SLC22A15: variants seen among roughly 807,000 people sequenced by gnomAD.
SLC22A15 encodes flipt 1.
SLC22A15 carries 45 observed loss-of-function variants against 62.7 expected under a neutral mutation model. The observed-to-expected ratio is 0.72, with a 90% CI of 0.56 to 0.92. SLC22A15 has a LOEUF of 0.92. SLC22A15 is among the 40% of genes least tolerant of loss of function. The pLI is 0.00. For missense variants in SLC22A15, 622 were observed against 665.6 expected, an observed-to-expected ratio of 0.93 and a Z score of 0.72; for synonymous variants, 264 against 267.0, an observed-to-expected ratio of 0.99 and a Z score of 0.11.
At chr1:115,999,340 T>C (rs1203649904) in intron 2 of SLC22A15, among the ~76,000 whole-genome samples, 2 of 152,144 alleles carry the variant, frequency 1.3e-5, no homozygotes, top group African/African-American at 2.4e-5. Flanking sequence ...TTAAGTCTAA[T>C]GTTTGTTGAT....
At position 115,992,037 on chromosome 1, in the gene SLC22A15, G is replaced by C; in HGVS notation, c.94G>C (p.Val32Leu). ...TGTGTGTTTGCTCTTTCAGCTCTACGTGGCCACGGAGGCCATCCTCATTGC... is the reference window on the plus strand; with the variant it reads ...TGTGTGTTTGCTCTTTCAGCTCTACCTGGCCACGGAGGCCATCCTCATTGC... Reference protein sequence around the residue: ...FLLAVLLQLYVATEAILIALV... With the variant: ...FLLAVLLQLYLATEAILIALV... The change falls in exon 2 of 12, where the codon GTG becomes CTG. Residue 32 changes from valine (V) to leucine (L), a missense_variant. Val to Leu is a conservative substitution (Grantham distance 32, BLOSUM62 1). Coordinates refer to ENST00000369503, the MANE Select transcript of SLC22A15 (RefSeq NM_018420.3). The C allele has an allele frequency of 6.2e-7, 1 of 1,613,206 alleles. No homozygotes were observed. The highest frequency in any genetic ancestry group is 8.5e-7 in the Non-Finnish European group (1 of 1,179,798).
At chr1:116,015,384 C>T (rs1296531756) in intron 2 of SLC22A15, 1 of 152,188 alleles carries the variant, frequency 6.6e-6, no homozygotes, top group African/African-American at 2.4e-5. Context: ...GTTACTTTGA[C>T]ACTTGGAAAT....
intron 6 of SLC22A15, 177 bp downstream of exon 6, chr1:116,031,758 G>T: frequency 2.1e-6 from 3 of 1,429,158 alleles, no homozygotes; most frequent in Non-Finnish European, 2.7e-6. Flanking sequence ...GCGCAGCCCC[G>T]TCTTTCTCAA....
chr1:116,006,665 C>T lies in SLC22A15; in HGVS notation c.301-12917C>T, dbSNP rs181429534. On this transcript the variant is annotated intron_variant, in intron 2 of 11. Coordinates refer to ENST00000369503, the MANE Select transcript of SLC22A15 (RefSeq NM_018420.3). ...GTATCTCTGTGTCCCCTCCCTCCCT[C>T]CTTTCCTTCTCTTCTCCCCACCTTC... Among the ~76,000 whole-genome samples, 142 of 152,246 alleles carry T rather than the reference C, an allele frequency of 9.3e-4. 1 individual carries two copies. The highest frequency in any genetic ancestry group is 3.2e-3 in the African/African-American group (135 of 41,552).
chr1:116,032,346 T>G, intron 6 of SLC22A15: 1 of 985,436 alleles, frequency 1.0e-6, no homozygotes, highest in Non-Finnish European at 1.2e-6. Flanking sequence ...TTGTACATAC[T>G]GCTAATGTGC....
At chr1:116,064,757 T>C (rs144574878) in intron 10 of SLC22A15, among the ~76,000 whole-genome samples, 7 of 152,102 alleles carry the variant, frequency 4.6e-5, no homozygotes, top group Admixed American at 4.6e-4. Flanking sequence ...GTGTGCCCCA[T>C]TCCTGTCCCC....
chr1:116,069,634 T>A lies in SLC22A15; in HGVS notation c.*2526T>A, dbSNP rs1036521852. Reference sequence around the variant, plus strand: ...AGAAACCATGTTGAAATTTTCTGATTTTGTGAGTTACAACCACAGCCCAGT... The same window carrying A: ...AGAAACCATGTTGAAATTTTCTGATATTGTGAGTTACAACCACAGCCCAGT... On this transcript the variant is annotated 3_prime_UTR_variant, in exon 12 of 12. Transcript: ENST00000369503. 6.6e-6 allele frequency: 1 copy of A among 152,178 alleles called. No individual in the cohort carries two copies. Among genetic ancestry groups the A allele is most frequent in the Non-Finnish European group, 1.5e-5 (1 of 68,016 alleles). 9.4% of individuals were successfully genotyped at this position (152,178 alleles called of 1,614,324 possible). A position where few individuals can be genotyped will look rare whatever the true frequency, so the allele number is the denominator to read the frequency against.
intron 6 of SLC22A15, chr1:116,032,086 T>C (rs1657433769): frequency 2.4e-5 from 24 of 985,394 alleles, no homozygotes; most frequent in Non-Finnish European, 2.9e-5. Flanking sequence ...CTTGTACAGA[T>C]GGGACCCCAG....
chr1:116,028,863 AC>A (rs951729820), intron 5 of SLC22A15, among the ~76,000 whole-genome samples: 12 of 152,222 alleles, frequency 7.9e-5, no homozygotes, highest in African/African-American at 2.9e-4. Context: ...TGATAAGTAC[AC>A]CACTGTCCTG....
chr1:116,068,962 CTA>C lies in SLC22A15; in HGVS notation c.*1857_*1858del. The C allele has an allele frequency of 6.6e-6, 1 of 152,262 alleles. No homozygotes were observed. The highest frequency in any genetic ancestry group is 2.4e-5 in the African/African-American group (1 of 41,552). 9.4% of individuals were successfully genotyped at this position (152,262 alleles called of 1,614,324 possible). On this transcript the variant is annotated 3_prime_UTR_variant, in exon 12 of 12. Coordinates refer to ENST00000369503, the MANE Select transcript of SLC22A15 (RefSeq NM_018420.3). ...TATCTCATTACAGAAAATTTGGAAACTATAAATTTAGAAACGTATCACCCATA... is the reference window on the plus strand; with the variant it reads ...TATCTCATTACAGAAAATTTGGAAACTAAATTTAGAAACGTATCACCCATA...
intron 8 of SLC22A15, among the ~76,000 whole-genome samples, chr1:116,052,441 C>G (rs1267886152): frequency 6.6e-6 from 1 of 152,244 alleles, no homozygotes; most frequent in Non-Finnish European, 1.5e-5. Flanking sequence ...AGGCCTGCCT[C>G]CTTCTGTAGG....
chr1:116,058,052 T>TATTATA lies in SLC22A15; in HGVS notation c.1172-4708_1172-4707insTATAAT, dbSNP rs1553226320. On this transcript the variant is annotated intron_variant, in intron 8 of 11. Coordinates refer to ENST00000369503, the MANE Select transcript of SLC22A15 (RefSeq NM_018420.3). The stretch of plus-strand genomic sequence containing the variant: ...TGCACATGTACCCTAAAACTTAAAG[T>TATTATA]ATAATAATAATAATAATAATACTGA... 3.4e-5 allele frequency among the ~76,000 whole-genome samples: 5 copies of TATTATA among 147,218 alleles called. No individual in the cohort carries two copies. The South Asian group carries it at 6.5e-4, about 19-fold the overall frequency.
At chr1:115,995,923 A>G (rs1026708028) in intron 2 of SLC22A15, among the ~76,000 whole-genome samples, 8 of 152,220 alleles carry the variant, frequency 5.3e-5, no homozygotes, top group African/African-American at 1.9e-4. Flanking sequence ...GTTTCTTCCA[A>G]TGGGGAAAAC....
chr1:116,002,479 G>A (rs537828481), intron 2 of SLC22A15, among the ~76,000 whole-genome samples: 1 of 152,228 alleles, frequency 6.6e-6, no homozygotes, highest in East Asian at 1.9e-4. Flanking sequence ...TGCCATCCAG[G>A]CAGTAGGGCC....
At chr1:116,035,165 G>C (rs754090074) in intron 6 of SLC22A15, 22 bp from the exon 7 acceptor site, 1 of 1,604,766 alleles carries the variant, frequency 6.2e-7, no homozygotes, top group Admixed American at 1.7e-5. Context: ...TTACCTCCTG[G>C]TCCTTTGACT....
intron 8 of SLC22A15, among the ~76,000 whole-genome samples, chr1:116,044,045 C>T (rs78168580): frequency 0.024 from 3,607 of 152,208 alleles, 142 homozygotes; most frequent in African/African-American, 0.083. Flanking sequence ...ATCAATTGTA[C>T]ACACTTTTCC....
chr1:116,063,571 T>C (rs1658430203), intron 9 of SLC22A15, among the ~76,000 whole-genome samples: 1 of 152,174 alleles, frequency 6.6e-6, no homozygotes, highest in African/African-American at 2.4e-5. Context: ...CCTTCCCTTA[T>C]CCATGCAAGA....
At chr1:116,041,635 C>G (rs1395045509) in intron 8 of SLC22A15, among the ~76,000 whole-genome samples, 1 of 152,142 alleles carries the variant, frequency 6.6e-6, no homozygotes, top group Non-Finnish European at 1.5e-5. Flanking sequence ...AGCATTCTTA[C>G]TAAATTGAAG....
intron 2 of SLC22A15, among the ~76,000 whole-genome samples, chr1:116,014,900 G>A (rs574846122): frequency 1.1e-4 from 17 of 152,268 alleles, no homozygotes; most frequent in Non-Finnish European, 1.9e-4. Context: ...GCTAGCAATT[G>A]AGTCTAGTCT....
Sources: gnomAD v4.1 joint callset for allele counts (sites outside exome capture counted in the v4.1 genomes callset) on GRCh38, gnomAD v4.1.1 for gene constraint, MANE v1.5 for transcripts, NCBI Gene and HGNC (gene_info 2026-07-23, HGNC 2026-07-21) for gene names.